The following CCSER1 variants were observed in gnomAD, a reference collection of about 807,000 sequenced individuals.
CCSER1 encodes serine-rich coiled-coil domain-containing protein 1.
CCSER1 carries 41 observed loss-of-function variants against 82.0 expected under a neutral mutation model. The ratio of observed to expected loss-of-function variants is 0.50; its 90% CI spans 0.39 to 0.65. The LOEUF (loss-of-function observed/expected upper bound fraction) is 0.65. Ranked by LOEUF, CCSER1 falls within the 30% of genes least tolerant of loss-of-function variation. The pLI, the probability that CCSER1 is intolerant of heterozygous loss-of-function variation, is 0.00. For missense variants in CCSER1, 1,119 were observed against 1,064.2 expected (o/e 1.05, Z -0.72); for synonymous variants, 414 against 383.9 (o/e 1.08, Z -0.92).
At chr4:91,438,086 T>G (rs1453290976) in intron 10 of CCSER1, among the ~76,000 whole-genome samples, 1 of 152,196 alleles carries the variant, frequency 6.6e-6, no homozygotes. Flanking sequence ...CAGTAACCTC[T>G]GCAGACTTAA....
chr4:91,403,727 G>C (rs1314512336), intron 10 of CCSER1, among the ~76,000 whole-genome samples: 2 of 152,164 alleles, frequency 1.3e-5, no homozygotes, highest in African/African-American at 4.8e-5. Context: ...AACCAGCCTT[G>C]CATATCAGGG....
At chr4:91,465,383 A>C (rs1190474624) in intron 10 of CCSER1, among the ~76,000 whole-genome samples, 9 of 152,206 alleles carry the variant, frequency 5.9e-5, no homozygotes, top group Non-Finnish European at 1.3e-4. Context: ...TATAGCACTA[A>C]ATGCCCACAA....
rs145652535 is a variant in CCSER1 at position 90,506,073 on chromosome 4, A to T, written c.1724+37719A>T. Among the ~76,000 whole-genome samples, 357 of 152,240 alleles carry T rather than the reference A, an allele frequency of 2.3e-3. 5 individuals are homozygous for T. The highest frequency in any genetic ancestry group is 9.9e-3 in the East Asian group (51 of 5,172). ...GTTTTATTCAACTTCTACCCTCTGT[A>T]CCTTCCTCAGACCTAGCACATGTTG... On this transcript the variant is annotated intron_variant, in intron 5 of 10. Transcript: ENST00000509176.
chr4:90,825,580 C>T (rs62311065), intron 8 of CCSER1, among the ~76,000 whole-genome samples: 14,562 of 152,016 alleles, frequency 0.096, 750 homozygotes, highest in Admixed American at 0.14. Flanking sequence ...CCGTCAAAAA[C>T]AAAATTACAG....
intron 1 of CCSER1, among the ~76,000 whole-genome samples, chr4:90,291,412 C>G (rs1730924516): frequency 6.6e-6 from 1 of 152,032 alleles, no homozygotes; most frequent in African/African-American, 2.4e-5. Flanking sequence ...AGTGGCCACT[C>G]AAGTCGGTCA....
At chr4:90,207,726 G>C (rs764677131) in intron 1 of CCSER1, among the ~76,000 whole-genome samples, 116 of 152,244 alleles carry the variant, frequency 7.6e-4, no homozygotes, top group Admixed American at 4.7e-3. Context: ...CTTTCTGTTT[G>C]TTAGTTTTCC....
At chr4:90,473,751 A>G (rs1188190914) in intron 5 of CCSER1, among the ~76,000 whole-genome samples, 1 of 152,212 alleles carries the variant, frequency 6.6e-6, no homozygotes, top group East Asian at 1.9e-4. Flanking sequence ...AAGTTGTTAC[A>G]CAAACTCTGT....
intron 5 of CCSER1, among the ~76,000 whole-genome samples, chr4:90,602,716 C>T (rs1358962325): frequency 6.7e-6 from 1 of 149,012 alleles, no homozygotes; most frequent in Non-Finnish European, 1.5e-5. Context: ...ATTTCTACCC[C>T]TGCTTACCCT....
chr4:90,324,912 A>G lies in CCSER1; in HGVS notation c.1509+11865A>G, dbSNP rs556449922. On this transcript the variant is annotated intron_variant, in intron 3 of 10. Coordinates refer to ENST00000509176, the MANE Select transcript of CCSER1 (RefSeq NM_001145065.2). ...ATGGCTAGCCAGTTTTCCCAGCACCATTTATTAAATAGGGAATCCTTTCCC... is the reference window on the plus strand; with the variant it reads ...ATGGCTAGCCAGTTTTCCCAGCACCGTTTATTAAATAGGGAATCCTTTCCC... Among the ~76,000 whole-genome samples the G allele has an allele frequency of 2.0e-5, 3 of 152,266 alleles. No individual in the cohort carries two copies. The East Asian group carries it at 5.8e-4, about 29-fold the overall frequency.
intron 5 of CCSER1, among the ~76,000 whole-genome samples, chr4:90,544,360 C>T (rs6849123): frequency 0.16 from 24,269 of 151,984 alleles, 2,522 homozygotes; most frequent in East Asian, 0.43. Context: ...GTGGTTATGA[C>T]TTATTATGTC....
At chr4:91,419,241 G>A (rs562557457) in intron 10 of CCSER1, among the ~76,000 whole-genome samples, 1 of 151,942 alleles carries the variant, frequency 6.6e-6, no homozygotes, top group East Asian at 1.9e-4. Flanking sequence ...GAACAATTAG[G>A]CAAAAATAAA....
intron 10 of CCSER1, among the ~76,000 whole-genome samples, chr4:91,437,168 A>G (rs1253208033): frequency 8.5e-5 from 13 of 152,204 alleles, no homozygotes. Context: ...TAAATGTCAG[A>G]TTAACTGGGC....
In CCSER1 at chr4:90,253,739, G is replaced by A. The variant is rs1052074825; in HGVS notation, c.-41-54505G>A. 3.9e-5 allele frequency among the ~76,000 whole-genome samples: 6 copies of A among 152,104 alleles called. No individual in the cohort carries two copies. In the South Asian group the frequency reaches 6.2e-4, roughly 16 times the overall value. On this transcript the variant is annotated intron_variant, in intron 1 of 10. Transcript: ENST00000509176. The stretch of plus-strand genomic sequence containing the variant: ...GATATTGTTCCTAAGAGGCACAACC[G>A]TGGGCATGCACACACTCTGGTCTTT...
At chr4:91,464,752 C>T (rs957336316) in intron 10 of CCSER1, among the ~76,000 whole-genome samples, 33 of 152,206 alleles carry the variant, frequency 2.2e-4, no homozygotes, top group African/African-American at 7.7e-4. Context: ...TCAAAAGAGA[C>T]AAAGAAGGCC....
chr4:91,000,239 AGT>A (rs1259327375), intron 9 of CCSER1, among the ~76,000 whole-genome samples: 17 of 135,788 alleles, frequency 1.3e-4, no homozygotes, highest in Admixed American at 4.3e-4. Flanking sequence ...AGTATAGTAT[AGT>A]ATAGTATAGT....
intron 8 of CCSER1, among the ~76,000 whole-genome samples, chr4:90,889,145 T>C (rs1213793843): frequency 6.6e-6 from 1 of 152,198 alleles, no homozygotes; most frequent in Non-Finnish European, 1.5e-5. Context: ...ATCAGTATAT[T>C]GTTATGAATA....
intron 5 of CCSER1, among the ~76,000 whole-genome samples, chr4:90,574,073 T>G (rs1415923760): frequency 4.6e-5 from 7 of 151,868 alleles, no homozygotes; most frequent in South Asian, 4.1e-4. Flanking sequence ...CTTATAGAAT[T>G]TGATGGTTTC....
At chr4:91,483,848 A>G (rs927034831) in intron 10 of CCSER1, among the ~76,000 whole-genome samples, 1 of 152,180 alleles carries the variant, frequency 6.6e-6, no homozygotes, top group Non-Finnish European at 1.5e-5. Context: ...TGAAGAACAA[A>G]CATAAATATT....
intron 10 of CCSER1, among the ~76,000 whole-genome samples, chr4:91,523,926 T>C (rs1315953002): frequency 1.3e-5 from 2 of 152,090 alleles, no homozygotes; most frequent in Non-Finnish European, 2.9e-5. Flanking sequence ...CCTTTGAATT[T>C]GTTTGTGTTT....
Sources: allele counts gnomAD v4.1 joint callset (sites outside exome capture counted in the v4.1 genomes callset), GRCh38; gene constraint gnomAD v4.1.1; transcripts MANE v1.5; gene names NCBI Gene and HGNC (gene_info 2026-07-23, HGNC 2026-07-21).